Variants in NSMCE2 observed in about 807,000 individuals in gnomAD.
NSMCE2 encodes the protein NSE2 SUMO ligase component of SMC5/6 complex.
NSMCE2 carries 24 observed loss-of-function variants against 23.8 expected under a neutral mutation model. The observed-to-expected ratio is 1.01, with a 90% CI of 0.73 to 1.42. The LOEUF is 1.42. Ranked by LOEUF, NSMCE2 falls within the 40% of genes most tolerant of loss-of-function variation. NSMCE2 has a pLI of 0.00. For synonymous variants in NSMCE2, 92 were observed against 94.1 expected (o/e 0.98, Z 0.13); for missense variants, 284 against 296.5 (o/e 0.96, Z 0.31).
At chr8:125,336,787 G>A (rs1830075156) in intron 5 of NSMCE2, among the ~76,000 whole-genome samples, 1 of 152,290 alleles carries the variant, frequency 6.6e-6, no homozygotes, top group Admixed American at 6.5e-5. Flanking sequence ...TACATAGTTG[G>A]GCTTCCAGGT....
At chr8:125,105,960 A>G (rs1586432471) in intron 3 of NSMCE2, among the ~76,000 whole-genome samples, 1 of 152,190 alleles carries the variant, frequency 6.6e-6, no homozygotes, top group South Asian at 2.1e-4. Context: ...AAAGTGAACT[A>G]AACAACTTAG....
intron 5 of NSMCE2, among the ~76,000 whole-genome samples, chr8:125,201,120 C>T (rs1029673241): frequency 4.6e-5 from 7 of 152,134 alleles, no homozygotes; most frequent in African/African-American, 7.2e-5. Flanking sequence ...AGAACATGCT[C>T]CTTTAGCTTG....
At chr8:125,282,046 T>G (rs1416948768) in intron 5 of NSMCE2, among the ~76,000 whole-genome samples, 1 of 152,136 alleles carries the variant, frequency 6.6e-6, no homozygotes, top group Non-Finnish European at 1.5e-5. Context: ...GCAAATACCC[T>G]GTGTAGTGTT....
At chr8:125,113,990 T>G (rs1404496856) in intron 3 of NSMCE2, among the ~76,000 whole-genome samples, 1 of 152,212 alleles carries the variant, frequency 6.6e-6, no homozygotes, top group East Asian at 1.9e-4. Flanking sequence ...TTCCCAGTTA[T>G]TAAGATTAAA....
intron 3 of NSMCE2, among the ~76,000 whole-genome samples, chr8:125,108,941 T>G (rs1818598283): frequency 6.6e-6 from 1 of 152,178 alleles, no homozygotes; most frequent in Admixed American, 6.5e-5. Flanking sequence ...TTGGAAGGTT[T>G]AAAGTAGAGG....
intron 3 of NSMCE2, among the ~76,000 whole-genome samples, chr8:125,137,031 T>C (rs984271751): frequency 1.4e-4 from 22 of 152,134 alleles, no homozygotes; most frequent in African/African-American, 5.3e-4. Flanking sequence ...TTTGGTGGTG[T>C]CAGTGATTTA....
In NSMCE2 at chr8:125,230,309, G is replaced by A. The variant is rs181540241; in HGVS notation, c.418+48053G>A. ...TCTTACTGAACTAATACCCTATAAA[G>A]CCTTACCCAGAACCCTTTCAATTTA... is the stretch of plus-strand genomic sequence containing the variant. On this transcript the variant is annotated intron_variant, in intron 5 of 7. Coordinates refer to ENST00000287437, the MANE Select transcript of NSMCE2 (RefSeq NM_173685.4). Among the ~76,000 whole-genome samples, 29 of 152,216 alleles carry A rather than the reference G, an allele frequency of 1.9e-4. No individual in the cohort carries two copies. The East Asian group carries it at 5.4e-3, about 28-fold the overall frequency.
intron 5 of NSMCE2, among the ~76,000 whole-genome samples, chr8:125,217,421 C>T (rs1437236876): frequency 6.6e-6 from 1 of 152,006 alleles, no homozygotes; most frequent in Admixed American, 6.6e-5. Flanking sequence ...AGTGCAGTGG[C>T]ATGATCTCAG....
At chr8:125,233,205 C>T (rs1386585911) in intron 5 of NSMCE2, among the ~76,000 whole-genome samples, 1 of 152,174 alleles carries the variant, frequency 6.6e-6, no homozygotes, top group Non-Finnish European at 1.5e-5. Context: ...TACTGTAGAG[C>T]TGTGATAAAC....
chr8:125,287,186 G>T (rs1295594307), intron 5 of NSMCE2, among the ~76,000 whole-genome samples: 4 of 152,178 alleles, frequency 2.6e-5, no homozygotes, highest in South Asian at 2.1e-4. Flanking sequence ...ACAAAAATTG[G>T]CCGGGTGTGG....
intron 3 of NSMCE2, among the ~76,000 whole-genome samples, chr8:125,104,512 A>C (rs1818362422): frequency 6.6e-6 from 1 of 152,012 alleles, no homozygotes; most frequent in South Asian, 2.1e-4. Flanking sequence ...GGCTGGATGG[A>C]ATTTGAGTGT....
chr8:125,164,465 T>C (rs1821773554), intron 4 of NSMCE2, among the ~76,000 whole-genome samples: 1 of 152,218 alleles, frequency 6.6e-6, no homozygotes, highest in South Asian at 2.1e-4. Flanking sequence ...ATATTTATGA[T>C]TTTGTACATC....
chr8:125,333,751 G>T (rs1829971701), intron 5 of NSMCE2, among the ~76,000 whole-genome samples: 1 of 151,904 alleles, frequency 6.6e-6, no homozygotes. Flanking sequence ...CTGACCTCGT[G>T]ATCCGCCCGC....
chr8:125,156,108 C>T (rs73348186), intron 4 of NSMCE2: 268 of 321,906 alleles, frequency 8.3e-4, no homozygotes, highest in African/African-American at 5.8e-3. Context: ...AGTAAGACTC[C>T]ATCTCTTTAA....
At chr8:125,098,125 T>C (rs1016490564) in intron 1 of NSMCE2, among the ~76,000 whole-genome samples, 1 of 152,170 alleles carries the variant, frequency 6.6e-6, no homozygotes, top group Non-Finnish European at 1.5e-5. Context: ...GAAATGCAGA[T>C]TCTTAGGTCC....
intron 3 of NSMCE2, among the ~76,000 whole-genome samples, chr8:125,129,921 AT>A (rs1819680260): frequency 6.6e-6 from 1 of 152,146 alleles, no homozygotes; most frequent in South Asian, 2.1e-4. Context: ...ACCATGGTAC[AT>A]TTGTCAAAAC....
Position 125,141,814 on chromosome 8 carries a change from C to A in NSMCE2, c.158-9357C>A, listed in dbSNP as rs184396684. ...TCAAGTTTGCCCTCACCAGCTAAAC[C>A]TGTTCTTTCTATAGGCAGTGTTAGC... On this transcript the variant is annotated intron_variant, in intron 3 of 7. Coordinates refer to ENST00000287437, the MANE Select transcript of NSMCE2 (RefSeq NM_173685.4). Among the ~76,000 whole-genome samples, 468 of 152,290 alleles carry A rather than the reference C, an allele frequency of 3.1e-3. 3 individuals carry two copies. Among genetic ancestry groups the A allele is most frequent in the African/African-American group, 0.011 (450 of 41,568 alleles).
chr8:125,166,630 C>A lies in NSMCE2; in HGVS notation c.264+15353C>A, dbSNP rs758305047. Among the ~76,000 whole-genome samples the A allele has an allele frequency of 2.0e-5, 3 of 152,264 alleles. No homozygotes were observed. The South Asian group carries it at 6.2e-4, about 32-fold the overall frequency. On this transcript the variant is annotated intron_variant, in intron 4 of 7. Transcript: ENST00000287437. Reference sequence around the variant, plus strand: ...GAAGGAAGAAAACAATTCACATTTTCCTGTCTTTCTGGTGAATTAGTTCTT... The same window carrying A: ...GAAGGAAGAAAACAATTCACATTTTACTGTCTTTCTGGTGAATTAGTTCTT...
At chr8:125,275,771 AT>A (rs150015516) in intron 5 of NSMCE2, among the ~76,000 whole-genome samples, 1 of 151,578 alleles carries the variant, frequency 6.6e-6, no homozygotes, top group African/African-American at 2.4e-5. Flanking sequence ...TAATATCCAG[AT>A]TTTTTTTTGT....
Sources: gnomAD v4.1 joint callset for allele counts (sites outside exome capture counted in the v4.1 genomes callset) on GRCh38, gnomAD v4.1.1 for gene constraint, MANE v1.5 for transcripts, NCBI Gene and HGNC (gene_info 2026-07-23, HGNC 2026-07-21) for gene names.